ZNF850: variants seen among roughly 807,000 people sequenced by gnomAD.
ZNF850 encodes the protein zinc finger protein 850, also known as putative zinc finger protein ENSP00000330994.
In ZNF850, 2 loss-of-function variants were observed where a neutral mutation model predicts 11.9. That is an observed-to-expected ratio of 0.17 (90% confidence interval 0.07 to 0.53). ZNF850 has a LOEUF of 0.53. ZNF850 is among the 20% of genes least tolerant of loss of function. The probability of loss-of-function intolerance (pLI) is 0.94; values close to 1 mark genes in which losing one functional copy is unlikely to be tolerated. For synonymous variants in ZNF850, 381 were observed against 443.0 expected, an observed-to-expected ratio of 0.86 and a Z score of 1.76; for missense variants, 1,014 against 1,316.4, an observed-to-expected ratio of 0.77 and a Z score of 3.55.
chr19:36,757,186 G>A (rs1012759270), intron 4 of ZNF850, among the ~76,000 whole-genome samples: 1 of 152,042 alleles, frequency 6.6e-6, no homozygotes, highest in Non-Finnish European at 1.5e-5. Flanking sequence ...ACTTTGGCAG[G>A]GGTCCGTTGG....
chr19:36,762,187 G>T, intron 3 of ZNF850, 118 bp downstream of exon 3: 1 of 805,172 alleles, frequency 1.2e-6, no homozygotes, highest in Non-Finnish European at 1.9e-6. Context: ...CCAAAGAGCT[G>T]CCCATCTATT....
In ZNF850 at chr19:36,749,394, A is replaced by G. The variant is rs769924059; in HGVS notation, c.1646T>C (p.Ile549Thr). The G allele has an allele frequency of 1.8e-5, 28 of 1,548,214 alleles. No individual in the cohort carries two copies. Among genetic ancestry groups the G allele is most frequent in the African/African-American group, 2.7e-5 (2 of 72,978 alleles). The change falls in exon 5 of 5, where the codon ATT becomes ACT. Residue 549 changes from isoleucine (I) to threonine (T), a missense_variant. By Grantham distance (89) the Ile-to-Thr change is moderately conservative. Around this residue, in one of 2 missense-constraint regions of ZNF850, gnomAD observed 835 missense variants for 1,022.0 expected, o/e 0.82. Coordinates refer to ENST00000591344, the MANE Select transcript of ZNF850 (RefSeq NM_001193552.2). ...ACCAGTGTGAACTGCCTGATGTCCA[A>G]TTAGCCCTGAGCGAAAAGTAAAAGA... ...GKSFTFRSGL[I>T]GHQAVHTGEK...
chr19:36,771,715 C>G (rs2040585493), intron 1 of ZNF850, among the ~76,000 whole-genome samples: 1 of 152,186 alleles, frequency 6.6e-6, no homozygotes, highest in South Asian at 2.1e-4. Flanking sequence ...CCGCCGGAAC[C>G]TGTTAGTCCA....
chr19:36,749,066 T>G lies in ZNF850; in HGVS notation c.1974A>C (p.Ser658=). The change falls in exon 5 of 5, where the codon TCA becomes TCC. Residue 658 remains serine, a synonymous_variant. Coordinates refer to ENST00000591344, the MANE Select transcript of ZNF850 (RefSeq NM_001193552.2). ...QECGKAFVSV[S]GLTQHHRIHT... ...GAATTCTGTGATGTTGGGTGAGTCC[T>G]GAGACACTGACAAAGGCTTTCCCAC... The G allele has an allele frequency of 6.2e-7, 1 of 1,605,432 alleles. No individual in the cohort carries two copies. The highest frequency in any genetic ancestry group is 1.3e-5 in the African/African-American group (1 of 74,838).
Position 36,748,997 on chromosome 19 carries a change from G to A in ZNF850, c.2043C>T (p.Ala681=). Residue 681 remains alanine (A), a synonymous_variant, in exon 5 of 5, where the codon GCC becomes GCT. Transcript: ENST00000591344. ...KPYECPDCGK[A]FRQRTYLNQH... is the part of the protein sequence containing the mutation. ...GATTAAGGTATGTACGCTGTCTAAA[G>A]GCCTTCCCACAGTCCGGACATTCAT... 6.2e-7 allele frequency: 1 copy of A among 1,606,064 alleles called. No individual in the cohort carries two copies. Among genetic ancestry groups the A allele is most frequent in the South Asian group, 1.1e-5 (1 of 90,412 alleles).
chr19:36,754,279 G>A (rs1182002683), intron 4 of ZNF850, among the ~76,000 whole-genome samples: 1 of 151,398 alleles, frequency 6.6e-6, no homozygotes, highest in Admixed American at 6.6e-5. Flanking sequence ...AAAACATGAG[G>A]ACACAAAAAA....
At chr19:36,765,026 C>G (rs887553946) in intron 1 of ZNF850, among the ~76,000 whole-genome samples, 3 of 152,048 alleles carry the variant, frequency 2.0e-5, no homozygotes, top group African/African-American at 7.2e-5. Flanking sequence ...TAGGGTCATA[C>G]TAGGAAAAAA....
intron 1 of ZNF850, among the ~76,000 whole-genome samples, chr19:36,763,330 C>T (rs1211846058): frequency 1.3e-5 from 2 of 152,042 alleles, no homozygotes; most frequent in Non-Finnish European, 2.9e-5. Context: ...CACCTGAGGT[C>T]GGGAGTTTGA....
intron 1 of ZNF850, among the ~76,000 whole-genome samples, chr19:36,766,940 T>A (rs1038863443): frequency 6.6e-5 from 10 of 151,710 alleles, no homozygotes; most frequent in African/African-American, 2.4e-4. Context: ...TGGTCTCTAC[T>A]TAAAATACGA....
At position 36,748,383 on chromosome 19, in the gene ZNF850, T is replaced by C; in HGVS notation, c.2657A>G (p.Gln886Arg). 6.4e-7 allele frequency: 1 copy of C among 1,560,862 alleles called. No homozygotes were observed. Among genetic ancestry groups the C allele is most frequent in the Non-Finnish European group, 8.7e-7 (1 of 1,154,864 alleles). Residue 886 changes from glutamine to arginine, a missense_variant, in exon 5 of 5, where the codon CAA becomes CGA. Gln to Arg is a conservative substitution (Grantham distance 43). Around this residue, in one of 2 missense-constraint regions of ZNF850, gnomAD observed 179 missense variants for 294.4 expected, o/e 0.61. Coordinates refer to ENST00000591344, the MANE Select transcript of ZNF850 (RefSeq NM_001193552.2). Reference sequence around the variant, plus strand: ...CTCACCAGTGTGAATTCGCCGATGTTGGATTATTGCTGAGCGAAAAGCAAA... The same window carrying C: ...CTCACCAGTGTGAATTCGCCGATGTCGGATTATTGCTGAGCGAAAAGCAAA... ...KSFAFRSAII[Q>R]HRRIHTGEKP...
Position 36,750,504 on chromosome 19 carries a change from T to G in ZNF850, c.536A>C (p.Lys179Thr). ...LYKSTECMAFKYGSELTQQQE... is the reference protein window; with the variant it reads ...LYKSTECMAFTYGSELTQQQE... The stretch of plus-strand genomic sequence containing the variant: ...CTGTTGTGTAAGTTCTGAGCCATAC[T>G]TAAAAGCCATACATTCTGTGGATTT... The change falls in exon 5 of 5, where the codon AAG becomes ACG. Residue 179 changes from lysine to threonine, a missense_variant. Physicochemically the swap from Lys to Thr is moderately conservative, Grantham distance 78 (BLOSUM62 -1). Coordinates refer to ENST00000591344, the MANE Select transcript of ZNF850 (RefSeq NM_001193552.2). The G allele has an allele frequency of 6.5e-7, 1 of 1,536,290 alleles. No individual in the cohort carries two copies. Among genetic ancestry groups the G allele is most frequent in the South Asian group, 1.2e-5 (1 of 84,066 alleles).
At chr19:36,764,317 A>G (rs1449741829) in intron 1 of ZNF850, among the ~76,000 whole-genome samples, 1 of 152,220 alleles carries the variant, frequency 6.6e-6, no homozygotes, top group Non-Finnish European at 1.5e-5. Flanking sequence ...AGGTCAGACA[A>G]AAGTTACAGG....
chr19:36,745,925 G>A lies in ZNF850; in HGVS notation c.*1842C>T, dbSNP rs2040409214. 6.6e-6 allele frequency: 1 copy of A among 152,196 alleles called. No homozygotes were observed. The highest frequency in any genetic ancestry group is 2.4e-5 in the African/African-American group (1 of 41,456). The allele number at this position is 152,196 out of a possible 1,614,324, so 9.4% of individuals were successfully genotyped here. A position where few individuals can be genotyped will look rare whatever the true frequency, so the allele number is the denominator to read the frequency against. On this transcript the variant is annotated 3_prime_UTR_variant, in exon 5 of 5. Transcript: ENST00000591344. ...GAGTATAGCAGTGAGGACGACCAGAGGTCACTCTTGTCACCATCTTGGATT... is the reference window on the plus strand; with the variant it reads ...GAGTATAGCAGTGAGGACGACCAGAAGTCACTCTTGTCACCATCTTGGATT...
At position 36,749,720 on chromosome 19, in the gene ZNF850, C is replaced by T. The variant is rs150399291; in HGVS notation, c.1320G>A (p.Gln440=). The change falls in exon 5 of 5, where the codon CAG becomes CAA. Residue 440 remains glutamine, a synonymous_variant. Transcript: ENST00000591344. ...FTAGSTLIQH[Q]RIHTGEKPYD... is the part of the protein sequence containing the mutation. ...AGGGTTTCTCACCAGTGTGAATTCG[C>T]TGATGTTGAATTAGTGTTGAGCCAG... 0.024 allele frequency: 37,870 copies of T among 1,560,682 alleles called. 644 individuals carry two copies. The highest frequency in any genetic ancestry group is 0.079 in the East Asian group (3,287 of 41,800).
rs575296584 is a variant in ZNF850, at chr19:36,750,589, A to G, written c.451T>C (p.Phe151Leu). 2.4e-4 allele frequency: 375 copies of G among 1,536,152 alleles called. 1 individual carries two copies. The African/African-American group carries it at 4.1e-3, about 17-fold the overall frequency. ...AIMTYETTPT[F>L]CLQTSLTLHH... Reference sequence around the variant, plus strand: ...AGAGTGAGAGATGTCTGTAGGCAGAAAGTTGGTGTTGTTTCATAAGTCATT... The same window carrying G: ...AGAGTGAGAGATGTCTGTAGGCAGAGAGTTGGTGTTGTTTCATAAGTCATT... Residue 151 changes from phenylalanine (F) to leucine (L), a missense_variant, in exon 5 of 5, where the codon TTC becomes CTC. Coordinates refer to ENST00000591344, the MANE Select transcript of ZNF850 (RefSeq NM_001193552.2).
At position 36,749,040 on chromosome 19, in the gene ZNF850, T is replaced by C; in HGVS notation, c.2000A>G (p.His667Arg). Residue 667 changes from histidine to arginine, a missense_variant, in exon 5 of 5, where the codon CAC (histidine) becomes CGC (arginine). Coordinates refer to ENST00000591344, the MANE Select transcript of ZNF850 (RefSeq NM_001193552.2). ...VSGLTQHHRI[H>R]TGEKPYECPD... is the part of the protein sequence containing the mutation. ...ACATTCATAGGGTTTCTCACCAGTG[T>C]GAATTCTGTGATGTTGGGTGAGTCC... 6.2e-6 allele frequency: 10 copies of C among 1,608,592 alleles called. No individual in the cohort carries two copies. Among genetic ancestry groups the C allele is most frequent in the Non-Finnish European group, 7.6e-6 (9 of 1,178,362 alleles).
At chr19:36,762,187 G>A in intron 3 of ZNF850, 118 bp downstream of exon 3, 1 of 805,176 alleles carries the variant, frequency 1.2e-6, no homozygotes, top group Non-Finnish European at 1.9e-6. Context: ...CCAAAGAGCT[G>A]CCCATCTATT....
At chr19:36,760,303 C>T (rs772980738) in intron 4 of ZNF850, among the ~76,000 whole-genome samples, 1 of 151,804 alleles carries the variant, frequency 6.6e-6, no homozygotes, top group Non-Finnish European at 1.5e-5. Flanking sequence ...AAAAATTAGC[C>T]AGGTGTGGTG....
intron 4 of ZNF850, among the ~76,000 whole-genome samples, chr19:36,754,584 C>T (rs1324958522): frequency 2.0e-5 from 3 of 151,784 alleles, no homozygotes; most frequent in Admixed American, 6.6e-5. Flanking sequence ...GAGATGGAGT[C>T]TCACTCTGTC....
Sources: gnomAD v4.1 joint callset for allele counts (sites outside exome capture counted in the v4.1 genomes callset) on GRCh38, gnomAD v4.1.1 for gene constraint, gnomAD v4.1.1 regional missense constraint, MANE v1.5 for transcripts, NCBI Gene and HGNC (gene_info 2026-07-23, HGNC 2026-07-21) for gene names.